CPLANE1: variants seen among roughly 807,000 people sequenced by gnomAD.
CPLANE1 encodes ciliogenesis and planar polarity effector 1.
In CPLANE1, 263 loss-of-function variants were observed where a neutral mutation model predicts 362.5. The observed-to-expected ratio is 0.73, with a 90% CI of 0.66 to 0.80. The LOEUF is 0.80. Among genes scored for constraint, CPLANE1 ranks in the 30% least tolerant of loss-of-function variants. CPLANE1 has a pLI of 0.00. For missense variants in CPLANE1, 3,461 were observed against 3,793.4 expected (o/e 0.91, Z 2.30); for synonymous variants, 1,212 against 1,302.6 (o/e 0.93, Z 1.50).
At position 37,107,236 on chromosome 5, in the gene CPLANE1, T is replaced by C. The variant is rs1023158987; in HGVS notation, c.*366A>G. On this transcript the variant is annotated 3_prime_UTR_variant, in exon 53 of 53. Coordinates refer to ENST00000651892, the MANE Select transcript of CPLANE1 (RefSeq NM_001384732.1). The stretch of plus-strand genomic sequence containing the variant: ...TTTTTTTTTTCCTATTAGATTCATC[T>C]GTATATGGTTGTTTCTCAAAACTCA... The C allele has an allele frequency of 8.0e-6, 8 of 1,004,640 alleles. No homozygotes were observed. The African/African-American group carries it at 1.2e-4, about 15-fold the overall frequency. 62.2% of individuals were successfully genotyped at this position (1,004,640 alleles called of 1,614,324 possible). A position where few individuals can be genotyped will look rare whatever the true frequency, so the allele number is the denominator to read the frequency against.
the CPLANE1 span, among the ~76,000 whole-genome samples, chr5:37,076,883 A>G: frequency 2.0e-5 from 3 of 149,538 alleles, no homozygotes; most frequent in African/African-American, 7.4e-5. Context: ...TAAAACATTT[A>G]CTGAAGAAGC....
chr5:37,170,416 C>G, intron 32 of CPLANE1, 85 bp from the exon 33 acceptor site: 1 of 1,270,450 alleles, frequency 7.9e-7, no homozygotes, highest in Non-Finnish European at 1.1e-6. Context: ...GAGTATTCTA[C>G]AATAGTCACA....
chr5:37,140,625 A>C (rs1428117255), intron 44 of CPLANE1: 14 of 985,324 alleles, frequency 1.4e-5, no homozygotes, highest in Non-Finnish European at 1.7e-5. Flanking sequence ...CACGAAAAAA[A>C]GCTTGAAGGA....
Position 37,157,825 on chromosome 5 carries a change from T to C in CPLANE1, c.7856A>G (p.Asp2619Gly). 2 of 1,608,592 alleles carry C rather than the reference T, an allele frequency of 1.2e-6. No individual in the cohort carries two copies. The highest frequency in any genetic ancestry group is 1.4e-5 in the African/African-American group (1 of 73,772). Residue 2619 changes from aspartate to glycine, a missense_variant, in exon 40 of 53, where the codon GAT becomes GGT. Transcript: ENST00000651892. ...TCTCACAGGTAATTCCTGTAGAAGA[T>C]CATTAGCTTCAATGTCAATCACATT... ...YINVIDIEAN[D>G]LLQELPVREE...
intron 14 of CPLANE1, among the ~76,000 whole-genome samples, chr5:37,222,738 C>T (rs1022468624): frequency 6.6e-6 from 1 of 152,232 alleles, no homozygotes; most frequent in Non-Finnish European, 1.5e-5. Flanking sequence ...CACTAGCCTT[C>T]TTTCTCCAAA....
In CPLANE1 at chr5:37,169,366, TA is replaced by T; in HGVS notation, c.6657del (p.Phe2219LeufsTer66). On this transcript the variant is annotated frameshift_variant, in exon 34 of 53. Coordinates refer to ENST00000651892, the MANE Select transcript of CPLANE1 (RefSeq NM_001384732.1). LOFTEE classifies it high-confidence loss of function. ...APRLIPHAKT[F>X]SPGDGFPLLQ... is the part of the protein sequence containing the mutation. Reference sequence around the variant, plus strand: ...AGCAAAGGAAAGCCATCACCAGGACTAAATGTTTTTGCATGTGGGATAAGTC... The same window carrying T: ...AGCAAAGGAAAGCCATCACCAGGACTAATGTTTTTGCATGTGGGATAAGTC... 1.9e-6 allele frequency: 3 copies of T among 1,614,228 alleles called. No individual in the cohort carries two copies. Among genetic ancestry groups the T allele is most frequent in the Non-Finnish European group, 2.5e-6 (3 of 1,180,034 alleles).
At chr5:37,228,767 T>C (rs1797016187) in intron 9 of CPLANE1, among the ~76,000 whole-genome samples, 1 of 152,178 alleles carries the variant, frequency 6.6e-6, no homozygotes, top group African/African-American at 2.4e-5. Context: ...TAACATTTGA[T>C]TTTTGAGTGC....
At chr5:37,127,043 G>A (rs1009199046) in intron 46 of CPLANE1, among the ~76,000 whole-genome samples, 8 of 152,180 alleles carry the variant, frequency 5.3e-5, no homozygotes, top group Non-Finnish European at 8.8e-5. Flanking sequence ...TTTCTAATGG[G>A]CTTGCCTGGT....
At position 37,116,543 on chromosome 5, in the gene CPLANE1, A is replaced by G. The variant is rs564649625; in HGVS notation, c.9311-1494T>C. On this transcript the variant is annotated intron_variant, in intron 50 of 52. Transcript: ENST00000651892. Reference sequence around the variant, plus strand: ...CTGAAGTGGGAAGATGATCTGAGCCAGGGAGGTCAAGGTTGCAGTGAGCCA... The same window carrying G: ...CTGAAGTGGGAAGATGATCTGAGCCGGGGAGGTCAAGGTTGCAGTGAGCCA... Among the ~76,000 whole-genome samples the G allele has an allele frequency of 4.2e-4, 60 of 143,234 alleles. 2 individuals carry two copies. Among genetic ancestry groups the G allele is most frequent in the Admixed American group, 4.2e-3 (60 of 14,328 alleles). The allele number at this position is 143,234 out of a possible 152,430, so 94.0% of individuals were successfully genotyped here.
the CPLANE1 span, among the ~76,000 whole-genome samples, chr5:37,094,804 C>A: frequency 6.6e-6 from 1 of 152,250 alleles, no homozygotes; most frequent in East Asian, 1.9e-4. Context: ...ACTATGAACA[C>A]TTTTATGCAC....
chr5:37,080,281 A>G, the CPLANE1 span, among the ~76,000 whole-genome samples: 3 of 152,210 alleles, frequency 2.0e-5, no homozygotes, highest in African/African-American at 7.2e-5. Flanking sequence ...CTGCTTAAGG[A>G]CATTACCCTG....
chr5:37,155,584 A>C (rs1282017817), intron 41 of CPLANE1, among the ~76,000 whole-genome samples: 3 of 152,202 alleles, frequency 2.0e-5, no homozygotes, highest in African/African-American at 7.2e-5. Context: ...TATGTTGCCA[A>C]GGCCGGTGTC....
intron 24 of CPLANE1, among the ~76,000 whole-genome samples, chr5:37,185,317 C>A (rs1252327122): frequency 6.6e-6 from 1 of 151,562 alleles, no homozygotes; most frequent in Non-Finnish European, 1.5e-5. Flanking sequence ...GAACCTAGAC[C>A]TCATGAAGAA....
intron 47 of CPLANE1, chr5:37,124,746 G>A (rs1013507402): frequency 3.7e-6 from 1 of 273,240 alleles, no homozygotes; most frequent in Non-Finnish European, 5.6e-6. Flanking sequence ...GTAGAGATGA[G>A]ATCTCATGAT....
intron 8 of CPLANE1, among the ~76,000 whole-genome samples, chr5:37,233,084 G>C (rs1798111749): frequency 6.6e-6 from 1 of 152,180 alleles, no homozygotes; most frequent in African/African-American, 2.4e-5. Flanking sequence ...CAACCCACTA[G>C]GGCTTTGGGC....
At chr5:37,220,691 T>G (rs2150353591) in intron 15 of CPLANE1, among the ~76,000 whole-genome samples, 1 of 152,280 alleles carries the variant, frequency 6.6e-6, no homozygotes, top group South Asian at 2.1e-4. Flanking sequence ...GGCTGATTTT[T>G]TTGTATTTTT....
intron 5 of CPLANE1, among the ~76,000 whole-genome samples, chr5:37,243,714 A>G (rs1158223120): frequency 6.8e-6 from 1 of 147,130 alleles, no homozygotes; most frequent in Admixed American, 6.9e-5. Flanking sequence ...AATATAATAT[A>G]TAATATACAT....
At chr5:37,076,342 T>A in the CPLANE1 span, among the ~76,000 whole-genome samples, 8 of 152,270 alleles carry the variant, frequency 5.3e-5, no homozygotes, top group African/African-American at 1.9e-4. Context: ...TTTTGTTTTT[T>A]TGAGACAAGG....
intron 43 of CPLANE1, 35 bp from the exon 44 acceptor site, chr5:37,142,515 T>C (rs1179790003): frequency 1.5e-6 from 2 of 1,321,622 alleles, no homozygotes; most frequent in South Asian, 1.8e-5. Context: ...TAAAATAAAA[T>C]AGTAGAGGAA....
Sources: allele counts gnomAD v4.1 joint callset (sites outside exome capture counted in the v4.1 genomes callset), GRCh38; gene constraint gnomAD v4.1.1; transcripts MANE v1.5; gene names NCBI Gene and HGNC (gene_info 2026-07-23, HGNC 2026-07-21).